MANBA: variants seen among roughly 807,000 people sequenced by gnomAD.
MANBA encodes the protein mannosidase beta, also known as beta-mannosidase.
Under a neutral mutation model 111.1 loss-of-function variants are expected in MANBA, and 83 were observed. The ratio of observed to expected loss-of-function variants is 0.75; its 90% CI spans 0.63 to 0.90. The LOEUF (loss-of-function observed/expected upper bound fraction) is 0.90, where lower values mean the gene tolerates loss of function less well. Ranked by LOEUF, MANBA falls within the 40% of genes least tolerant of loss-of-function variation. MANBA has a pLI of 0.00. For synonymous variants in MANBA, 370 were observed against 378.7 expected (o/e 0.98, Z 0.27); for missense variants, 1,036 against 1,069.0 (o/e 0.97, Z 0.43).
chr4:102,730,527 T>C (rs1722993978), intron 1 of MANBA: 1 of 531,014 alleles, frequency 1.9e-6, no homozygotes, highest in Admixed American at 1.9e-5. Flanking sequence ...CTACATCTTA[T>C]AGATTTTTCT....
intron 1 of MANBA, among the ~76,000 whole-genome samples, chr4:102,743,797 G>T (rs1723497109): frequency 6.6e-6 from 1 of 152,174 alleles, no homozygotes; most frequent in Admixed American, 6.5e-5. Flanking sequence ...CAAAGGTTTG[G>T]TTTCCACCAA....
intron 11 of MANBA, chr4:102,658,908 G>GT (rs1238204383): frequency 6.6e-6 from 1 of 152,218 alleles, no homozygotes; most frequent in African/African-American, 2.4e-5. Flanking sequence ...CTAGCACACT[G>GT]TGAGAACTCA....
intron 1 of MANBA, among the ~76,000 whole-genome samples, chr4:102,759,827 A>G (rs223489): frequency 0.4 from 60,235 of 151,940 alleles, 12,064 homozygotes; most frequent in Admixed American, 0.45. Context: ...GTGTTCCATA[A>G]TTCCATATTA....
chr4:102,665,313 G>A (rs540691550), intron 10 of MANBA: 8 of 190,958 alleles, frequency 4.2e-5, no homozygotes, highest in South Asian at 2.0e-4. Flanking sequence ...AAAGAAGGAC[G>A]GAGGTTCCTA....
chr4:102,673,946 GA>G lies in MANBA; in HGVS notation c.1084del (p.Ser362HisfsTer6). On this transcript the variant is annotated frameshift_variant, in exon 8 of 17. Coordinates refer to ENST00000647097, the MANE Select transcript of MANBA (RefSeq NM_005908.4). LOFTEE classifies it high-confidence loss of function. ...LKGSNWIPAD[S>X]FQDRVTSELL... Reference sequence around the variant, plus strand: ...CTCAGAGGTTACTCGGTCCTGGAATGAATCTGCTGGGATCCAGTTTGAGCCT... The same window carrying G: ...CTCAGAGGTTACTCGGTCCTGGAATGATCTGCTGGGATCCAGTTTGAGCCT... The G allele has an allele frequency of 6.2e-7, 1 of 1,611,466 alleles. No individual in the cohort carries two copies.
At position 102,681,546 on chromosome 4, in the gene MANBA, A is replaced by G. The variant is rs190201547; in HGVS notation, c.961-7476T>C. 370 of 152,298 alleles carry G rather than the reference A, an allele frequency of 2.4e-3. 3 individuals carry two copies. The highest frequency in any genetic ancestry group is 8.3e-3 in the African/African-American group (347 of 41,558). The allele number at this position is 152,298 out of a possible 1,614,324, so 9.4% of individuals were successfully genotyped here. A position where few individuals can be genotyped will look rare whatever the true frequency, so the allele number is the denominator to read the frequency against. ...CTAAAATATGCACTTACCAAGCAAAATATTACACATTACACCTCAGAGTCC... is the reference window on the plus strand; with the variant it reads ...CTAAAATATGCACTTACCAAGCAAAGTATTACACATTACACCTCAGAGTCC... On this transcript the variant is annotated intron_variant, in intron 7 of 16. Transcript: ENST00000647097.
rs556578319 is a variant in MANBA at position 102,704,095 on chromosome 4, G to A, written c.673+10343C>T. ...GGGTAACAGAGCAAAACTCTATCTC[G>A]AAAAAAAAAAACCAAAAAATTTGAT... On this transcript the variant is annotated intron_variant, in intron 5 of 16. Coordinates refer to ENST00000647097, the MANE Select transcript of MANBA (RefSeq NM_005908.4). 1.2e-4 allele frequency among the ~76,000 whole-genome samples: 17 copies of A among 143,470 alleles called. 1 individual carries two copies. The South Asian group carries it at 3.5e-3, about 30-fold the overall frequency. 94.1% of individuals were successfully genotyped at this position (143,470 alleles called of 152,430 possible). A position where few individuals can be genotyped will look rare whatever the true frequency, so the allele number is the denominator to read the frequency against.
intron 1 of MANBA, chr4:102,730,140 T>C (rs1281378445): frequency 8.3e-7 from 1 of 1,200,292 alleles, no homozygotes; most frequent in Admixed American, 2.5e-5. Flanking sequence ...GGTGGACACC[T>C]TGTAGGACTT....
chr4:102,750,113 A>C (rs1396637939), intron 1 of MANBA, among the ~76,000 whole-genome samples: 1 of 152,250 alleles, frequency 6.6e-6, no homozygotes, highest in Non-Finnish European at 1.5e-5. Context: ...ATTAAATTTC[A>C]AATGCAGAGT....
rs930261609 is a variant in MANBA, at chr4:102,722,863, A to G, written c.549+8T>C. 6.2e-6 allele frequency: 10 copies of G among 1,613,732 alleles called. No individual in the cohort carries two copies. The East Asian group carries it at 8.9e-5, about 14-fold the overall frequency. On this transcript the variant is annotated splice_region_variant and intron_variant, in intron 4 of 16. Transcript: ENST00000647097. ...AAATAAAACCCGACCTGTTTGAGAGACCATTACCTTCCGAACAAAGTTGAC... is the reference window on the plus strand; with the variant it reads ...AAATAAAACCCGACCTGTTTGAGAGGCCATTACCTTCCGAACAAAGTTGAC...
intron 11 of MANBA, among the ~76,000 whole-genome samples, chr4:102,660,628 T>C (rs190049395): frequency 6.6e-6 from 1 of 151,848 alleles, no homozygotes; most frequent in East Asian, 1.9e-4. Context: ...AAGAATTTTT[T>C]AAATTTTTTT....
chr4:102,707,892 A>C (rs1733374197), intron 5 of MANBA, among the ~76,000 whole-genome samples: 1 of 152,186 alleles, frequency 6.6e-6, no homozygotes, highest in Non-Finnish European at 1.5e-5. Context: ...AGTTTAAGTC[A>C]AAAAACAGTA....
rs1560798840 is a variant in MANBA at position 102,723,954 on chromosome 4, C to CT, written c.285dup (p.Val96SerfsTer6). 6.2e-7 allele frequency: 1 copy of CT among 1,605,518 alleles called. No homozygotes were observed. Among genetic ancestry groups the CT allele is most frequent in the Non-Finnish European group, 8.5e-7 (1 of 1,173,286 alleles). On this transcript the variant is annotated frameshift_variant, in exon 3 of 17. Coordinates refer to ENST00000647097, the MANE Select transcript of MANBA (RefSeq NM_005908.4). LOFTEE classifies it high-confidence loss of function. The stretch of plus-strand genomic sequence containing the variant: ...TCCACTCCCTCAAGAATCAAATTTA[C>CT]TTTTTGCCATTTGCTAAAAAAAAGA...
Position 102,635,902 on chromosome 4 carries a change from A to C in MANBA, c.2120T>G (p.Val707Gly). 1 of 1,612,376 alleles carries C rather than the reference A, an allele frequency of 6.2e-7. No individual in the cohort carries two copies. Among genetic ancestry groups the C allele is most frequent in the Non-Finnish European group, 8.5e-7 (1 of 1,178,356 alleles). The stretch of plus-strand genomic sequence containing the variant: ...CGAATAATCCGAGTGAAGATCTGAC[A>C]CACCATAGATATAGAACGTGTTTTC... ...ENENTFYIYG[V>G]SDLHSDYSMT... Residue 707 changes from valine (V) to glycine (G), a missense_variant, in exon 15 of 17, where the codon GTG becomes GGG. Val to Gly is a moderately radical substitution (Grantham distance 109). Transcript: ENST00000647097.
chr4:102,638,632 A>C (rs1729733084), intron 14 of MANBA, among the ~76,000 whole-genome samples: 1 of 152,184 alleles, frequency 6.6e-6, no homozygotes, highest in South Asian at 2.1e-4. Flanking sequence ...ATCAGTATCC[A>C]AGAGTCTCTG....
At position 102,727,540 on chromosome 4, in the gene MANBA, A is replaced by G. The variant is rs1372785652; in HGVS notation, c.178-857T>C. On this transcript the variant is annotated intron_variant, in intron 1 of 16. Coordinates refer to ENST00000647097, the MANE Select transcript of MANBA (RefSeq NM_005908.4). ...GATGAGGGGCCGTAGCTGCTGGTTT[A>G]GCTGAATTTCAAACTGATCACCTGG... 1.9e-6 allele frequency: 3 copies of G among 1,602,784 alleles called. No individual in the cohort carries two copies. In the African/African-American group the frequency reaches 4.0e-5, roughly 21 times the overall value.
intron 11 of MANBA, among the ~76,000 whole-genome samples, chr4:102,663,381 C>T (rs1161173527): frequency 1.3e-5 from 2 of 152,132 alleles, no homozygotes; most frequent in Non-Finnish European, 2.9e-5. Flanking sequence ...TACTTAACCA[C>T]TATGCTATAA....
intron 11 of MANBA, chr4:102,658,879 T>C (rs1730710764): frequency 6.6e-6 from 1 of 152,230 alleles, no homozygotes; most frequent in East Asian, 1.9e-4. Flanking sequence ...ATCTAGCATG[T>C]AAGCACTTAA....
At chr4:102,753,497 G>C (rs189377075) in intron 1 of MANBA, among the ~76,000 whole-genome samples, 139 of 152,012 alleles carry the variant, frequency 9.1e-4, no homozygotes, top group African/African-American at 3.2e-3. Flanking sequence ...ATATATCAGC[G>C]GACAAAAGAG....
Sources: gnomAD v4.1 joint callset for allele counts (sites outside exome capture counted in the v4.1 genomes callset) on GRCh38, gnomAD v4.1.1 for gene constraint, MANE v1.5 for transcripts, NCBI Gene and HGNC (gene_info 2026-07-23, HGNC 2026-07-21) for gene names.